CSNK2A2IP: variants seen among roughly 807,000 people sequenced by gnomAD.
CSNK2A2IP encodes casein kinase 2 subunit alpha' interacting protein.
chr3:88,371,663 G>T, the CSNK2A2IP span, among the ~76,000 whole-genome samples: 1 of 151,704 alleles, frequency 6.6e-6, no homozygotes, highest in African/African-American at 2.4e-5. Context: ...GAAAACTTCT[G>T]ATATTTGAAG....
chr3:88,409,689 T>C, the CSNK2A2IP span, among the ~76,000 whole-genome samples: 3 of 152,200 alleles, frequency 2.0e-5, no homozygotes, highest in African/African-American at 7.2e-5. Context: ...GGATATGATT[T>C]AAGAAGCAAG....
chr3:88,426,207 A>G, the CSNK2A2IP span, among the ~76,000 whole-genome samples: 1 of 152,348 alleles, frequency 6.6e-6, no homozygotes, highest in African/African-American at 2.4e-5. Flanking sequence ...CTTTTTTGAT[A>G]TAAGGTTACT....
At chr3:88,463,896 A>C in the CSNK2A2IP span, among the ~76,000 whole-genome samples, 28 of 151,914 alleles carry the variant, frequency 1.8e-4, no homozygotes, top group African/African-American at 5.1e-4. Flanking sequence ...AGACTTGGAA[A>C]CAACCCAAAT....
the CSNK2A2IP span, among the ~76,000 whole-genome samples, chr3:88,439,165 C>A: frequency 6.6e-6 from 1 of 152,296 alleles, no homozygotes; most frequent in African/African-American, 2.4e-5. Flanking sequence ...TTAAATGCCT[C>A]ACTTTTCATT....
At chr3:88,451,485 T>C in the CSNK2A2IP span, among the ~76,000 whole-genome samples, 1 of 151,948 alleles carries the variant, frequency 6.6e-6, no homozygotes, top group Non-Finnish European at 1.5e-5. Context: ...ATATGAACTG[T>C]CCTCTTGAGT....
chr3:88,460,918 T>A, the CSNK2A2IP span, among the ~76,000 whole-genome samples: 1 of 151,956 alleles, frequency 6.6e-6, no homozygotes, highest in East Asian at 1.9e-4. Flanking sequence ...CGAAATCCCA[T>A]CTCTACTAAA....
the CSNK2A2IP span, among the ~76,000 whole-genome samples, chr3:88,417,418 C>T: frequency 6.6e-6 from 1 of 152,062 alleles, no homozygotes; most frequent in Non-Finnish European, 1.5e-5. Context: ...GGAGGCATCC[C>T]GTAGTTTACA....
At chr3:88,401,009 T>C in the CSNK2A2IP span, among the ~76,000 whole-genome samples, 1 of 152,110 alleles carries the variant, frequency 6.6e-6, no homozygotes, top group African/African-American at 2.4e-5. Context: ...TTAGTATAAA[T>C]AGGTTGAGTT....
chr3:88,437,323 T>G, the CSNK2A2IP span, among the ~76,000 whole-genome samples: 2 of 152,338 alleles, frequency 1.3e-5, no homozygotes, highest in East Asian at 3.9e-4. Flanking sequence ...GGAGGGCCAT[T>G]AACAGAGTTA....
chr3:88,346,898 G>A, the CSNK2A2IP span, among the ~76,000 whole-genome samples: 3 of 151,852 alleles, frequency 2.0e-5, no homozygotes, highest in African/African-American at 7.3e-5. Context: ...GTGGGTCTAG[G>A]AAAGTTAAAT....
chr3:88,417,032 T>A, the CSNK2A2IP span, among the ~76,000 whole-genome samples: 60 of 151,652 alleles, frequency 4.0e-4, no homozygotes, highest in African/African-American at 1.4e-3. Context: ...CAAATAAATA[T>A]TTTTCTTGCA....
At chr3:88,371,773 A>G in the CSNK2A2IP span, among the ~76,000 whole-genome samples, 1 of 151,764 alleles carries the variant, frequency 6.6e-6, no homozygotes, top group Non-Finnish European at 1.5e-5. Flanking sequence ...GTTGAGAATC[A>G]AACATTAAAT....
the CSNK2A2IP span, among the ~76,000 whole-genome samples, chr3:88,369,557 T>C: frequency 6.6e-6 from 1 of 151,926 alleles, no homozygotes; most frequent in Non-Finnish European, 1.5e-5. Context: ...GGCAGAAGAA[T>C]TGCTGAATAC....
At chr3:88,376,628 T>C in the CSNK2A2IP span, among the ~76,000 whole-genome samples, 1 of 151,792 alleles carries the variant, frequency 6.6e-6, no homozygotes, top group Non-Finnish European at 1.5e-5. Flanking sequence ...TTTTTCAGCC[T>C]ACAAATATAT....
chr3:88,358,052 C>T, the CSNK2A2IP span, among the ~76,000 whole-genome samples: 1 of 152,032 alleles, frequency 6.6e-6, no homozygotes, highest in Admixed American at 6.6e-5. Flanking sequence ...AGATTTTTCA[C>T]TTCTTTGGTT....
chr3:88,369,002 G>T, the CSNK2A2IP span, among the ~76,000 whole-genome samples: 1 of 151,952 alleles, frequency 6.6e-6, no homozygotes, highest in Non-Finnish European at 1.5e-5. Flanking sequence ...GGTAAATCAG[G>T]CCCACATCTA....
the CSNK2A2IP span, among the ~76,000 whole-genome samples, chr3:88,363,571 G>A: frequency 0.013 from 2,039 of 152,006 alleles, 30 homozygotes; most frequent in African/African-American, 0.029. Context: ...CTTGGTAATC[G>A]TTGATTTGCA....
At chr3:88,362,757 G>A in the CSNK2A2IP span, among the ~76,000 whole-genome samples, 1 of 152,186 alleles carries the variant, frequency 6.6e-6, no homozygotes, top group Admixed American at 6.5e-5. Flanking sequence ...TGATGTTCAG[G>A]AGCAAAGGCC....
the CSNK2A2IP span, among the ~76,000 whole-genome samples, chr3:88,429,497 G>A: frequency 1.1e-4 from 16 of 152,162 alleles, no homozygotes; most frequent in South Asian, 3.3e-3. Flanking sequence ...GGTCTACACT[G>A]ACTTTAATTT....
Sources: gnomAD v4.1 joint callset for allele counts (sites outside exome capture counted in the v4.1 genomes callset) on GRCh38, gnomAD v4.1.1 for gene constraint, MANE v1.5 for transcripts, NCBI Gene and HGNC (gene_info 2026-07-23, HGNC 2026-07-21) for gene names.